The following OLFM4 variants were observed in gnomAD, a reference collection of about 807,000 sequenced individuals.
OLFM4 encodes olfactomedin 4, also known as olfactomedin-4.
OLFM4 carries 22 observed loss-of-function variants against 25.5 expected under a neutral mutation model. The ratio of observed to expected loss-of-function variants is 0.86; its 90% CI spans 0.62 to 1.23. OLFM4 has a LOEUF of 1.23. Among genes scored for constraint, OLFM4 ranks in the 50% most tolerant of loss-of-function variants. OLFM4 has a pLI of 0.00. For missense variants in OLFM4, 594 were observed against 619.4 expected (o/e 0.96, Z 0.44); for synonymous variants, 255 against 237.7 (o/e 1.07, Z -0.67).
chr13:53,040,369 T>C (rs1167037671), intron 2 of OLFM4, among the ~76,000 whole-genome samples: 1 of 152,242 alleles, frequency 6.6e-6, no homozygotes, highest in African/African-American at 2.4e-5. Context: ...TAATGAAATG[T>C]GTACTCTACA....
chr13:53,038,803 T>C (rs1593479455), intron 2 of OLFM4, among the ~76,000 whole-genome samples: 1 of 152,234 alleles, frequency 6.6e-6, no homozygotes, highest in African/African-American at 2.4e-5. Flanking sequence ...AAGCTACAGA[T>C]TCATATATGT....
At chr13:53,038,990 T>C (rs3803260) in intron 2 of OLFM4, among the ~76,000 whole-genome samples, 30,195 of 152,242 alleles carry the variant, frequency 0.2, 3,970 homozygotes, top group African/African-American at 0.36. Context: ...TTTCCTCAAA[T>C]GGATCTTTAC....
In OLFM4 at chr13:53,041,925, C is replaced by T; in HGVS notation, c.373C>T (p.Gln125Ter). ...TTTCTTTCAGGTGAGGGAATATGTC[C>T]AATTAATTAGTGTGTATGAAAAGAA... ...KELSKVREYV[Q>*]LISVYEKKLL... is the part of the protein sequence containing the mutation. Residue 125 changes from glutamine to a stop codon, truncating the protein, a stop_gained, in exon 3 of 5, where the codon CAA becomes TAA. Transcript: ENST00000219022. LOFTEE classifies it high-confidence loss of function. 16 of 1,613,192 alleles carry T rather than the reference C, an allele frequency of 9.9e-6. No homozygotes were observed. The highest frequency in any genetic ancestry group is 1.4e-5 in the Non-Finnish European group (16 of 1,179,324).
rs1265434419 is a variant in OLFM4, at chr13:53,050,932, T to G, written c.*161T>G. The G allele has an allele frequency of 1.6e-6, 1 of 630,404 alleles. No individual in the cohort carries two copies. The highest frequency in any genetic ancestry group is 1.8e-5 in the African/African-American group (1 of 54,264). 39.1% of individuals were successfully genotyped at this position (630,404 alleles called of 1,614,324 possible). ...AGAGATCTAGGACATTTGTCTTGAT[T>G]TGGTGAGTTCTCTTGGGAATCATCT... On this transcript the variant is annotated 3_prime_UTR_variant, in exon 5 of 5. Coordinates refer to ENST00000219022, the MANE Select transcript of OLFM4 (RefSeq NM_006418.5).
intron 4 of OLFM4, 23 bp downstream of exon 4, chr13:53,043,287 C>G (rs1954697721): frequency 6.4e-7 from 1 of 1,572,646 alleles, no homozygotes; most frequent in Non-Finnish European, 8.6e-7. Context: ...GTTTTTTTAA[C>G]CACTTGTGCC....
intron 4 of OLFM4, among the ~76,000 whole-genome samples, chr13:53,045,985 C>T (rs891235659): frequency 9.2e-5 from 14 of 152,096 alleles, no homozygotes; most frequent in Non-Finnish European, 1.6e-4. Context: ...AGGTTCTGTG[C>T]TGGTCCATAG....
intron 2 of OLFM4, among the ~76,000 whole-genome samples, chr13:53,041,376 G>T (rs113000433): frequency 2.4e-4 from 36 of 152,254 alleles, no homozygotes; most frequent in African/African-American, 8.7e-4. Flanking sequence ...CACAAGAACA[G>T]AAAACCAAAT....
chr13:53,029,131 T>G lies in OLFM4; in HGVS notation c.204+91T>G, dbSNP rs1024944884. On this transcript the variant is annotated intron_variant, in intron 1 of 4. Coordinates refer to ENST00000219022, the MANE Select transcript of OLFM4 (RefSeq NM_006418.5). ...ATACAATTTCATGGATGGCTAGACCTGGGCACTCTAAAAGATTTACGACTC... is the reference window on the plus strand; with the variant it reads ...ATACAATTTCATGGATGGCTAGACCGGGGCACTCTAAAAGATTTACGACTC... 6 of 1,547,734 alleles carry G rather than the reference T, an allele frequency of 3.9e-6. No individual in the cohort carries two copies. The African/African-American group carries it at 8.2e-5, about 21-fold the overall frequency.
At chr13:53,032,357 A>G (rs1331833988) in intron 1 of OLFM4, among the ~76,000 whole-genome samples, 1 of 151,836 alleles carries the variant, frequency 6.6e-6, no homozygotes, top group African/African-American at 2.4e-5. Context: ...TTTTTTTGCT[A>G]GACTGTTATT....
At chr13:53,045,874 C>CTTCAGTCTG (rs1954713106) in intron 4 of OLFM4, among the ~76,000 whole-genome samples, 1 of 152,168 alleles carries the variant, frequency 6.6e-6, no homozygotes, top group South Asian at 2.1e-4. Flanking sequence ...TCCCTTAAAA[C>CTTCAGTCTG]TTCAGTCTGT....
chr13:53,035,754 T>C (rs746848537), intron 2 of OLFM4, among the ~76,000 whole-genome samples: 2 of 152,224 alleles, frequency 1.3e-5, no homozygotes, highest in Non-Finnish European at 2.9e-5. Flanking sequence ...GTAAAAACAC[T>C]GACTTGAACT....
chr13:53,049,899 G>A (rs1022686779), intron 4 of OLFM4, 70 bp from the exon 5 acceptor site: 1 of 1,422,402 alleles, frequency 7.0e-7, no homozygotes, highest in African/African-American at 1.4e-5. Context: ...TGGTGCTTAG[G>A]ATATTAAACT....
rs878872428 is a variant in OLFM4, at chr13:53,049,966, T to C, written c.731-3T>C. 6.3e-7 allele frequency: 1 copy of C among 1,592,582 alleles called. No individual in the cohort carries two copies. The highest frequency in any genetic ancestry group is 1.7e-4 in the Middle Eastern group (1 of 5,962). On this transcript the variant is annotated splice_region_variant and splice_polypyrimidine_tract_variant and intron_variant, in intron 4 of 4. Transcript: ENST00000219022. ...ATGCCTTTTTATTTTCTTGTTTGTATAGGGAGCTGTGGTCATGGTGGTGTG... is the reference window on the plus strand; with the variant it reads ...ATGCCTTTTTATTTTCTTGTTTGTACAGGGAGCTGTGGTCATGGTGGTGTG...
chr13:53,032,523 G>C (rs1308497063), intron 1 of OLFM4, among the ~76,000 whole-genome samples: 1 of 151,992 alleles, frequency 6.6e-6, no homozygotes, highest in Non-Finnish European at 1.5e-5. Context: ...GTATCTTACC[G>C]AGTCTTTATT....
At position 53,028,816 on chromosome 13, in the gene OLFM4, G is replaced by A. The variant is rs778176066; in HGVS notation, c.-21G>A. 18 of 1,612,742 alleles carry A rather than the reference G, an allele frequency of 1.1e-5. No individual in the cohort carries two copies. Among genetic ancestry groups the A allele is most frequent in the African/African-American group, 9.4e-5 (7 of 74,826 alleles). Reference sequence around the variant, plus strand: ...CCCCTGGGCTCTCTGCAGAGCCAGCGGCTCCAGCTAAGAGGACAAGATGAG... The same window carrying A: ...CCCCTGGGCTCTCTGCAGAGCCAGCAGCTCCAGCTAAGAGGACAAGATGAG... On this transcript the variant is annotated 5_prime_UTR_variant, in exon 1 of 5. Coordinates refer to ENST00000219022, the MANE Select transcript of OLFM4 (RefSeq NM_006418.5).
intron 2 of OLFM4, 72 bp from the exon 3 acceptor site, chr13:53,041,838 G>A (rs1046611281): frequency 9.8e-7 from 1 of 1,023,722 alleles, no homozygotes; most frequent in African/African-American, 1.6e-5. Flanking sequence ...CTCAACTCAA[G>A]GGCTCGGTAG....
chr13:53,050,398 T>C lies in OLFM4; in HGVS notation c.1160T>C (p.Val387Ala). The C allele has an allele frequency of 6.2e-7, 1 of 1,614,080 alleles. No homozygotes were observed. The highest frequency in any genetic ancestry group is 8.5e-7 in the Non-Finnish European group (1 of 1,179,986). ...NVAWQDIDFA[V>A]DENGLWVIYS... ...GCTTGGCAAGATATTGACTTTGCTG[T>C]GGATGAGAATGGATTGTGGGTTATT... The change falls in exon 5 of 5, where the codon GTG (valine) becomes GCG (alanine). Residue 387 changes from valine (V) to alanine (A), a missense_variant. Transcript: ENST00000219022.
At position 53,051,656 on chromosome 13, in the gene OLFM4, T is replaced by C. The variant is rs1399998761; in HGVS notation, c.*885T>C. Reference sequence around the variant, plus strand: ...TTTAATTTCATTATGAACTTTTATTTACATGACTCTAAGACTATAAGAAAA... The same window carrying C: ...TTTAATTTCATTATGAACTTTTATTCACATGACTCTAAGACTATAAGAAAA... On this transcript the variant is annotated 3_prime_UTR_variant, in exon 5 of 5. Coordinates refer to ENST00000219022, the MANE Select transcript of OLFM4 (RefSeq NM_006418.5). 6.6e-6 allele frequency: 1 copy of C among 152,192 alleles called. No individual in the cohort carries two copies. The highest frequency in any genetic ancestry group is 1.5e-5 in the Non-Finnish European group (1 of 68,036). The allele number at this position is 152,192 out of a possible 1,614,324, so 9.4% of individuals were successfully genotyped here.
chr13:53,044,535 T>A (rs1339615758), intron 4 of OLFM4, among the ~76,000 whole-genome samples: 3 of 152,194 alleles, frequency 2.0e-5, no homozygotes, highest in African/African-American at 4.8e-5. Flanking sequence ...AGCCTCTTGG[T>A]CTTCTTCAGG....
Sources: allele counts gnomAD v4.1 joint callset (sites outside exome capture counted in the v4.1 genomes callset), GRCh38; gene constraint gnomAD v4.1.1; transcripts MANE v1.5; gene names NCBI Gene and HGNC (gene_info 2026-07-23, HGNC 2026-07-21).